The following KIF13A variants were observed in gnomAD, a reference collection of about 807,000 sequenced individuals.
The protein encoded by KIF13A is kinesin-like protein KIF13A.
A neutral mutation model predicts 212.2 loss-of-function variants in KIF13A; 79 were observed. The observed-to-expected ratio is 0.37, with a 90% CI of 0.31 to 0.45. The LOEUF (loss-of-function observed/expected upper bound fraction) is 0.45. Ranked by LOEUF, KIF13A falls within the 20% of genes least tolerant of loss-of-function variation. The probability of loss-of-function intolerance (pLI) is 1.00; values close to 1 mark genes in which losing one functional copy is unlikely to be tolerated. For missense variants in KIF13A, 1,901 were observed against 2,209.0 expected (o/e 0.86, Z 2.79); for synonymous variants, 789 against 808.6 (o/e 0.98, Z 0.41).
intron 2 of KIF13A, among the ~76,000 whole-genome samples, chr6:17,924,113 A>G (rs1775303485): frequency 6.6e-6 from 1 of 152,338 alleles, no homozygotes; most frequent in South Asian, 2.1e-4. Flanking sequence ...ACTTTAAAAA[A>G]ATTATCAGGA....
intron 2 of KIF13A, among the ~76,000 whole-genome samples, chr6:17,966,629 G>A (rs1259042020): frequency 6.6e-6 from 1 of 152,014 alleles, no homozygotes; most frequent in Non-Finnish European, 1.5e-5. Context: ...AGTGCTTGAT[G>A]GTTTCAACAT....
rs1763217355 is a variant in KIF13A, at chr6:17,809,080, C to G, written c.2001-150G>C. The G allele has an allele frequency of 1.3e-6, 1 of 744,726 alleles. No homozygotes were observed. The highest frequency in any genetic ancestry group is 2.1e-6 in the Non-Finnish European group (1 of 478,712). The allele number at this position is 744,726 out of a possible 1,614,324, so 46.1% of individuals were successfully genotyped here. A position where few individuals can be genotyped will look rare whatever the true frequency, so the allele number is the denominator to read the frequency against. Reference sequence around the variant, plus strand: ...CCAGACTACCTCTCATCCTTCCCTCCTGCCCACAGATGGGCTATCTGTTGA... The same window carrying G: ...CCAGACTACCTCTCATCCTTCCCTCGTGCCCACAGATGGGCTATCTGTTGA... On this transcript the variant is annotated intron_variant, in intron 17 of 38. Transcript: ENST00000259711. This position sits in a 1 kb window ranked among gnomAD's most constrained non-coding sequence, Gnocchi z 4.7.
In KIF13A at chr6:17,798,363, A is replaced by G. The variant is rs1432264250; in HGVS notation, c.2790+903T>C. On this transcript the variant is annotated intron_variant, in intron 22 of 38. Transcript: ENST00000259711. ...CTAAACAAGCAGCTTTGTGGATTCA[A>G]AGAAAGATGGGGAATATTTAAAATA... 2.0e-5 allele frequency among the ~76,000 whole-genome samples: 3 copies of G among 152,352 alleles called. No individual in the cohort carries two copies. The East Asian group carries it at 5.8e-4, about 29-fold the overall frequency.
chr6:17,851,104 C>A (rs1431343707), intron 7 of KIF13A, among the ~76,000 whole-genome samples: 2 of 152,224 alleles, frequency 1.3e-5, no homozygotes, highest in African/African-American at 2.4e-5. Context: ...CTCAACCACA[C>A]TGAGCTAAGA....
chr6:17,824,538 T>C (rs1244994043), intron 16 of KIF13A, among the ~76,000 whole-genome samples: 3 of 151,866 alleles, frequency 2.0e-5, no homozygotes, highest in East Asian at 2.0e-4. Context: ...GACAGGCGGA[T>C]CACGAGGTCG....
chr6:17,974,484 C>G (rs1364139554), intron 2 of KIF13A, among the ~76,000 whole-genome samples: 2 of 152,192 alleles, frequency 1.3e-5, no homozygotes, highest in Non-Finnish European at 2.9e-5. Context: ...CTGGTCAAAC[C>G]TTTGGATGGC....
intron 17 of KIF13A, among the ~76,000 whole-genome samples, chr6:17,813,242 G>C (rs536571992): frequency 1.3e-5 from 2 of 152,290 alleles, no homozygotes; most frequent in East Asian, 3.9e-4. Context: ...CACTTTGGGA[G>C]GCTGAGGCGG....
Position 17,775,032 on chromosome 6 carries a change from A to G in KIF13A, c.4201T>C (p.Phe1401Leu), listed in dbSNP as rs569146131. 4.3e-6 allele frequency: 7 copies of G among 1,612,272 alleles called. No individual in the cohort carries two copies. The African/African-American group carries it at 9.3e-5, about 21-fold the overall frequency. The change falls in exon 35 of 39, where the codon TTT (phenylalanine) becomes CTT (leucine). Residue 1401 changes from phenylalanine (F) to leucine (L), a missense_variant. Transcript: ENST00000259711. ...GTGCATACCTTGTCATCTTCATCAA[A>G]GCCAGAAAGGTCCGGTCGGCTGGAA... is the stretch of plus-strand genomic sequence containing the variant. ...VSSSRPDLSGFDEDDKGWPEN... is the reference protein window; with the variant it reads ...VSSSRPDLSGLDEDDKGWPEN...
chr6:17,979,139 A>C (rs1780838282), intron 2 of KIF13A, among the ~76,000 whole-genome samples: 1 of 152,188 alleles, frequency 6.6e-6, no homozygotes, highest in African/African-American at 2.4e-5. Flanking sequence ...CTAAAAATAC[A>C]AAAATTAGCC....
At chr6:17,920,632 G>A (rs967386985) in intron 2 of KIF13A, among the ~76,000 whole-genome samples, 2 of 152,146 alleles carry the variant, frequency 1.3e-5, no homozygotes, top group African/African-American at 2.4e-5. Flanking sequence ...CCAGCACTTT[G>A]GGAGGCCGAG....
chr6:17,821,960 C>A (rs1480996029), intron 16 of KIF13A: 5 of 1,529,372 alleles, frequency 3.3e-6, no homozygotes, highest in Non-Finnish European at 4.4e-6. Context: ...CACATCAGCA[C>A]TTGCATCAGA....
intron 3 of KIF13A, among the ~76,000 whole-genome samples, chr6:17,880,238 G>A (rs1562089971): frequency 6.6e-6 from 1 of 152,112 alleles, no homozygotes; most frequent in Non-Finnish European, 1.5e-5. Context: ...TTACAGTTAT[G>A]AACCACCATG....
intron 20 of KIF13A, among the ~76,000 whole-genome samples, chr6:17,803,667 T>C (rs531381009): frequency 2.6e-5 from 4 of 152,278 alleles, no homozygotes; most frequent in South Asian, 2.1e-4. Flanking sequence ...TCCTCCTGAG[T>C]TGTATCTTAC....
chr6:17,981,494 G>C (rs1158683270), intron 2 of KIF13A, among the ~76,000 whole-genome samples: 1 of 146,756 alleles, frequency 6.8e-6, no homozygotes, highest in East Asian at 2.0e-4. Context: ...ACATGATCTC[G>C]GCTCACTGCC....
At chr6:17,866,583 G>A (rs1314123534) in intron 4 of KIF13A, among the ~76,000 whole-genome samples, 1 of 151,954 alleles carries the variant, frequency 6.6e-6, no homozygotes, top group Non-Finnish European at 1.5e-5. Flanking sequence ...ACCTGACTGG[G>A]TGCTTTGACA....
intron 9 of KIF13A, among the ~76,000 whole-genome samples, chr6:17,842,108 G>A (rs1562043988): frequency 6.6e-6 from 1 of 151,688 alleles, no homozygotes; most frequent in Non-Finnish European, 1.5e-5. Context: ...GAGAGCAGTG[G>A]TACAATCCTG....
rs565765609 is a variant in KIF13A, at chr6:17,834,683, T to C, written c.1156-612A>G. Among the ~76,000 whole-genome samples the C allele has an allele frequency of 6.6e-6, 1 of 152,294 alleles. No individual in the cohort carries two copies. The highest frequency in any genetic ancestry group is 1.9e-4 in the East Asian group (1 of 5,184). Reference sequence around the variant, plus strand: ...TACAGATACTTGCAGCTTAACAAAATTTTGAGGGGAGAGGCCTTTACTTGT... The same window carrying C: ...TACAGATACTTGCAGCTTAACAAAACTTTGAGGGGAGAGGCCTTTACTTGT... On this transcript the variant is annotated intron_variant, in intron 11 of 38. Transcript: ENST00000259711. This position sits in a 1 kb window ranked among gnomAD's most constrained non-coding sequence, Gnocchi z 4.0.
chr6:17,840,427 A>G (rs1188277479), intron 9 of KIF13A, among the ~76,000 whole-genome samples: 2 of 152,164 alleles, frequency 1.3e-5, no homozygotes, highest in Non-Finnish European at 2.9e-5. Flanking sequence ...TTTTGATTGG[A>G]AACAATTCTT....
At chr6:17,925,377 T>G (rs1430856049) in intron 2 of KIF13A, among the ~76,000 whole-genome samples, 1 of 152,082 alleles carries the variant, frequency 6.6e-6, no homozygotes, top group Non-Finnish European at 1.5e-5. Flanking sequence ...GCTGATTTGG[T>G]GGAGGAAATG....
Sources: allele counts gnomAD v4.1 joint callset (sites outside exome capture counted in the v4.1 genomes callset), GRCh38; gene constraint gnomAD v4.1.1; non-coding constraint Gnocchi (gnomAD v3.1); transcripts MANE v1.5; gene names NCBI Gene and HGNC (gene_info 2026-07-23, HGNC 2026-07-21).